The following ACOXL variants were observed in gnomAD, a reference collection of about 807,000 sequenced individuals.
The protein encoded by ACOXL is acyl-coenzyme A oxidase-like protein.
A neutral mutation model predicts 71.9 loss-of-function variants in ACOXL; 70 were observed. The observed-to-expected ratio is 0.97, with a 90% confidence interval of 0.80 to 1.19. ACOXL has a LOEUF of 1.19. ACOXL is among the 50% of genes most tolerant of loss of function. The pLI is 0.00. For synonymous variants in ACOXL, 253 were observed against 281.6 expected (o/e 0.90, Z 1.02); for missense variants, 703 against 736.3 (o/e 0.95, Z 0.52).
chr2:110,948,703 TAAAAAAAAAAAAAA>T (rs5833377), intron 12 of ACOXL, among the ~76,000 whole-genome samples: 2 of 70,808 alleles, frequency 2.8e-5, no homozygotes, highest in African/African-American at 7.0e-5. Context: ...CCAGAAGAAC[TAAAAAAAAAAAAAA>T]AAAAAAAAAA....
chr2:110,940,790 A>G (rs544842686), intron 12 of ACOXL, among the ~76,000 whole-genome samples: 1 of 152,348 alleles, frequency 6.6e-6, no homozygotes, highest in Non-Finnish European at 1.5e-5. Flanking sequence ...CTATTTCTAC[A>G]GGAACCTTGG....
chr2:110,801,774 C>G (rs780611182), intron 8 of ACOXL, 50 bp downstream of exon 8: 2 of 1,548,098 alleles, frequency 1.3e-6, no homozygotes, highest in African/African-American at 1.4e-5. Flanking sequence ...GATCTCACTG[C>G]TCTCCAAAGT....
chr2:110,931,609 A>G (rs2060481684), intron 11 of ACOXL, among the ~76,000 whole-genome samples: 1 of 152,190 alleles, frequency 6.6e-6, no homozygotes. Flanking sequence ...CTCACACATG[A>G]GGGACCTTGA....
chr2:110,799,464 C>T (rs1685689647), intron 7 of ACOXL, among the ~76,000 whole-genome samples: 2 of 152,166 alleles, frequency 1.3e-5, no homozygotes, highest in Admixed American at 1.3e-4. Context: ...GCTCTCTGTG[C>T]TCTTGAGGCC....
chr2:110,846,641 G>GCACACA (rs61028803), intron 10 of ACOXL, among the ~76,000 whole-genome samples: 1,490 of 137,980 alleles, frequency 0.011, 28 homozygotes, highest in East Asian at 0.028. Context: ...ATGCATACAC[G>GCACACA]CACACACACA....
At chr2:110,912,589 A>T (rs1473607256) in intron 11 of ACOXL, among the ~76,000 whole-genome samples, 1 of 152,162 alleles carries the variant, frequency 6.6e-6, no homozygotes, top group Non-Finnish European at 1.5e-5. Context: ...TTGGACCCCT[A>T]TACAGCAGTT....
chr2:110,806,076 T>C (rs1686601838), intron 9 of ACOXL, among the ~76,000 whole-genome samples: 1 of 152,260 alleles, frequency 6.6e-6, no homozygotes, highest in Non-Finnish European at 1.5e-5. Flanking sequence ...CATCTGGGGC[T>C]TGAGTCCAGC....
intron 16 of ACOXL, among the ~76,000 whole-genome samples, chr2:111,092,260 C>CA (rs1558960051): frequency 8.5e-5 from 13 of 152,050 alleles, no homozygotes; most frequent in Non-Finnish European, 1.9e-4. Context: ...TCGAGAGTTA[C>CA]GTGAATAAAC....
chr2:110,963,096 GA>G (rs202162925), intron 12 of ACOXL, among the ~76,000 whole-genome samples: 16 of 150,332 alleles, frequency 1.1e-4, no homozygotes, highest in South Asian at 6.3e-4. Flanking sequence ...GAAGTAAAAG[GA>G]AAAAAAAATA....
At chr2:110,804,433 T>A (rs1016081041) in intron 8 of ACOXL, among the ~76,000 whole-genome samples, 2 of 152,180 alleles carry the variant, frequency 1.3e-5, no homozygotes, top group Non-Finnish European at 2.9e-5. Context: ...AAGTGTAAAG[T>A]TATCATCTTA....
At chr2:110,891,141 C>G (rs941501202) in intron 10 of ACOXL, among the ~76,000 whole-genome samples, 11 of 151,972 alleles carry the variant, frequency 7.2e-5, no homozygotes, top group Admixed American at 1.3e-4. Flanking sequence ...CCTTGCTGAA[C>G]TTGTTTTTTA....
At chr2:110,838,359 C>T (rs1028341900) in intron 9 of ACOXL, among the ~76,000 whole-genome samples, 3 of 151,666 alleles carry the variant, frequency 2.0e-5, no homozygotes, top group Non-Finnish European at 2.9e-5. Flanking sequence ...TGTGTGTGTG[C>T]GTGTGTGTGC....
At chr2:110,845,960 C>T (rs1299850813) in intron 10 of ACOXL, among the ~76,000 whole-genome samples, 2 of 152,232 alleles carry the variant, frequency 1.3e-5, no homozygotes, top group South Asian at 2.1e-4. Flanking sequence ...AAGTGGAATT[C>T]CTGAATCCTA....
chr2:110,953,261 C>T (rs2061388040), intron 12 of ACOXL, among the ~76,000 whole-genome samples: 5 of 151,922 alleles, frequency 3.3e-5, no homozygotes, highest in Admixed American at 2.6e-4. Flanking sequence ...AGTATAACTA[C>T]CATACACTAG....
intron 13 of ACOXL, among the ~76,000 whole-genome samples, chr2:110,995,499 C>CA (rs567318996): frequency 3.0e-4 from 20 of 67,292 alleles, no homozygotes; most frequent in South Asian, 1.8e-3. Flanking sequence ...GACTCTGTCT[C>CA]AAAAAAAAAA....
intron 16 of ACOXL, among the ~76,000 whole-genome samples, chr2:111,070,959 C>T (rs571607576): frequency 6.6e-6 from 1 of 152,196 alleles, no homozygotes; most frequent in East Asian, 1.9e-4. Flanking sequence ...AAATAGTCAC[C>T]CCTGCTTCAG....
In ACOXL at chr2:110,862,939, A is replaced by G. The variant is rs149551691; in HGVS notation, c.788+21534A>G. The stretch of plus-strand genomic sequence containing the variant: ...GGCCCCGCAGCAGCTACCACCTTCA[A>G]TGCACCCACATTCACTAGGTTTTTT... On this transcript the variant is annotated intron_variant, in intron 10 of 17. Transcript: ENST00000439055. Among the ~76,000 whole-genome samples the G allele has an allele frequency of 2.8e-3, 425 of 152,286 alleles. 4 individuals are homozygous for G. Among genetic ancestry groups the G allele is most frequent in the African/African-American group, 8.8e-3 (365 of 41,554 alleles).
At chr2:110,807,583 G>T (rs1282013991) in intron 9 of ACOXL, among the ~76,000 whole-genome samples, 1 of 152,180 alleles carries the variant, frequency 6.6e-6, no homozygotes, top group South Asian at 2.1e-4. Context: ...GTTAGCACCT[G>T]CCCTGCCTAT....
At chr2:110,898,797 C>T (rs1030135424) in intron 10 of ACOXL, among the ~76,000 whole-genome samples, 11 of 152,124 alleles carry the variant, frequency 7.2e-5, no homozygotes, top group Non-Finnish European at 1.6e-4. Context: ...AGTAATAAAA[C>T]TGTTTCTATA....
Sources: allele counts gnomAD v4.1 joint callset (sites outside exome capture counted in the v4.1 genomes callset), GRCh38; gene constraint gnomAD v4.1.1; transcripts MANE v1.5; gene names NCBI Gene and HGNC (gene_info 2026-07-23, HGNC 2026-07-21).